Variants in GNG2 observed in about 807,000 individuals in gnomAD.
GNG2 encodes guanine nucleotide-binding protein G(I)/G(S)/G(O) subunit gamma-2.
Under a neutral mutation model 5.5 loss-of-function variants are expected in GNG2, and 5 were observed. That is an observed-to-expected ratio of 0.91 (90% confidence interval 0.48 to 1.92). GNG2 has a LOEUF of 1.92. Among genes scored for constraint, GNG2 ranks in the 30% most tolerant of loss-of-function variants. The pLI, the probability that GNG2 is intolerant of heterozygous loss-of-function variation, is 0.01. For synonymous variants in GNG2, 28 were observed against 32.0 expected, an observed-to-expected ratio of 0.88 and a Z score of 0.42; for missense variants, 55 against 88.4, an observed-to-expected ratio of 0.62 and a Z score of 1.52.
intron 2 of GNG2, among the ~76,000 whole-genome samples, chr14:51,903,247 T>A (rs1050581279): frequency 6.6e-6 from 1 of 152,230 alleles, no homozygotes; most frequent in African/African-American, 2.4e-5. Context: ...AGTTTAATGT[T>A]AATGAATCAA....
chr14:51,893,938 C>T (rs551743886), intron 2 of GNG2, among the ~76,000 whole-genome samples: 2 of 152,046 alleles, frequency 1.3e-5, no homozygotes, highest in South Asian at 4.1e-4. Context: ...TATTATATTT[C>T]CTGGATTTAT....
intron 2 of GNG2, among the ~76,000 whole-genome samples, chr14:51,850,258 CTT>C (rs1378590703): frequency 6.6e-6 from 1 of 152,104 alleles, no homozygotes. Context: ...ATTTCTTCCT[CTT>C]AAAGTAAGTT....
At chr14:51,858,306 G>C (rs1882256262), upstream of GNG2, among the ~76,000 whole-genome samples, 1 of 152,222 alleles carries the variant, frequency 6.6e-6, no homozygotes, top group African/African-American at 2.4e-5. Flanking sequence ...TAATGAAAGA[G>C]AGGTCTTAAA....
chr14:51,883,723 C>G (rs746610565), intron 2 of GNG2, among the ~76,000 whole-genome samples: 2 of 152,002 alleles, frequency 1.3e-5, no homozygotes, highest in Admixed American at 6.6e-5. Flanking sequence ...TAGGTGGTAA[C>G]TAGGGATATC....
At chr14:51,895,242 G>C (rs1447171341) in intron 2 of GNG2, among the ~76,000 whole-genome samples, 4 of 152,106 alleles carry the variant, frequency 2.6e-5, no homozygotes, top group Non-Finnish European at 4.4e-5. Flanking sequence ...TAAAAAATTG[G>C]ATAGCTTAAA....
chr14:51,963,293 G>A (rs1316713924), intron 3 of GNG2, among the ~76,000 whole-genome samples: 1 of 152,164 alleles, frequency 6.6e-6, no homozygotes, highest in Non-Finnish European at 1.5e-5. Context: ...TCCTAGTATA[G>A]TACTTCCTGT....
At chr14:51,900,037 T>C (rs904032062) in intron 2 of GNG2, among the ~76,000 whole-genome samples, 35 of 152,188 alleles carry the variant, frequency 2.3e-4, no homozygotes, top group African/African-American at 8.4e-4. Flanking sequence ...AGAAATGAAA[T>C]TGTTGGATCA....
chr14:51,904,702 G>A (rs1198328392), intron 2 of GNG2, among the ~76,000 whole-genome samples: 2 of 152,180 alleles, frequency 1.3e-5, no homozygotes, highest in Non-Finnish European at 2.9e-5. Context: ...ACTCACTCAT[G>A]CTCCAAAAAC....
chr14:51,840,605 C>T (rs1476929529), intron 2 of GNG2, among the ~76,000 whole-genome samples: 1 of 152,196 alleles, frequency 6.6e-6, no homozygotes, highest in Non-Finnish European at 1.5e-5. Context: ...CCTGGATTGT[C>T]ATTCATTCTG....
At chr14:51,884,338 G>A (rs927144646) in intron 2 of GNG2, among the ~76,000 whole-genome samples, 2 of 152,156 alleles carry the variant, frequency 1.3e-5, no homozygotes, top group African/African-American at 4.8e-5. Context: ...ATTTATATGC[G>A]GAACTTAAGT....
At chr14:51,865,942 A>C (rs1381822834) in intron 1 of GNG2, among the ~76,000 whole-genome samples, 2 of 38,358 alleles carry the variant, frequency 5.2e-5, no homozygotes, top group East Asian at 5.0e-3. Flanking sequence ...GGACTTCATT[A>C]AACACTGAAA....
At chr14:51,846,992 C>T (rs1351520225) in intron 2 of GNG2, 1 of 152,194 alleles carries the variant, frequency 6.6e-6, no homozygotes, top group African/African-American at 2.4e-5. Context: ...ACCAGGAAAT[C>T]AGTCATTCAG....
At chr14:51,869,640 A>C (rs2140118622) in intron 1 of GNG2, among the ~76,000 whole-genome samples, 1 of 152,206 alleles carries the variant, frequency 6.6e-6, no homozygotes, top group East Asian at 1.9e-4. Flanking sequence ...CAGCCTCCTG[A>C]GTAGCTGGGA....
chr14:51,914,656 C>T lies in GNG2; in HGVS notation c.-29-35994C>T, dbSNP rs190864836. 5.3e-5 allele frequency among the ~76,000 whole-genome samples: 8 copies of T among 152,312 alleles called. No individual in the cohort carries two copies. The East Asian group carries it at 1.3e-3, about 26-fold the overall frequency. On this transcript the variant is annotated intron_variant, in intron 2 of 3. Transcript: ENST00000556766. ...AAAGCAGTCTAAGGGAGCTCCTTTG[C>T]GGCCTGGATCTGGTAGATCCGGTAA... is the stretch of plus-strand genomic sequence containing the variant.
intron 2 of GNG2, among the ~76,000 whole-genome samples, chr14:51,895,175 A>G (rs1266368021): frequency 1.3e-5 from 2 of 152,204 alleles, no homozygotes; most frequent in African/African-American, 4.8e-5. Context: ...AAGAGTTTAC[A>G]TGGAGAACTA....
rs140975179 is a variant in GNG2 at position 51,916,684 on chromosome 14, C to T, written c.-29-33966C>T. Among the ~76,000 whole-genome samples the T allele has an allele frequency of 1.3e-3, 194 of 152,258 alleles. 1 individual carries two copies. In the Middle Eastern group the frequency reaches 0.021, roughly 16 times the overall value. Reference sequence around the variant, plus strand: ...GGTGTGGTGGAGCAGTGCCAGGCTGCTGTGGACCATACCCAGGTTGGTGTA... The same window carrying T: ...GGTGTGGTGGAGCAGTGCCAGGCTGTTGTGGACCATACCCAGGTTGGTGTA... On this transcript the variant is annotated intron_variant, in intron 2 of 3. Transcript: ENST00000556766.
intron 1 of GNG2, among the ~76,000 whole-genome samples, chr14:51,863,215 G>T (rs1882642612): frequency 6.6e-6 from 1 of 152,160 alleles, no homozygotes; most frequent in Non-Finnish European, 1.5e-5. Context: ...AAACACTGTG[G>T]AGTGAAAAGA....
At chr14:51,890,985 A>C (rs963793270) in intron 2 of GNG2, among the ~76,000 whole-genome samples, 2 of 152,230 alleles carry the variant, frequency 1.3e-5, no homozygotes, top group African/African-American at 4.8e-5. Flanking sequence ...CATTCTTTAG[A>C]GAAGTGACAA....
chr14:51,945,259 G>C (rs2140273899), intron 2 of GNG2, among the ~76,000 whole-genome samples: 1 of 152,264 alleles, frequency 6.6e-6, no homozygotes. Flanking sequence ...AGTAGTCATA[G>C]TAGCTAAAAC....
Sources: allele counts gnomAD v4.1 joint callset (sites outside exome capture counted in the v4.1 genomes callset), GRCh38; gene constraint gnomAD v4.1.1; transcripts MANE v1.5; gene names NCBI Gene and HGNC (gene_info 2026-07-23, HGNC 2026-07-21).